Variants in C11orf65 observed in about 807,000 individuals in gnomAD.
C11orf65 encodes chromosome 11 open reading frame 65.
A neutral mutation model predicts 35.3 loss-of-function variants in C11orf65; 38 were observed. The observed-to-expected ratio is 1.08, with a 90% confidence interval of 0.83 to 1.41. The LOEUF (loss-of-function observed/expected upper bound fraction) is 1.41, where lower values mean the gene tolerates loss of function less well. C11orf65 is among the 40% of genes most tolerant of loss of function. C11orf65 has a pLI of 0.00. For synonymous variants in C11orf65, 105 were observed against 114.4 expected (o/e 0.92, Z 0.53); for missense variants, 370 against 367.1 (o/e 1.01, Z -0.06).
At position 108,431,779 on chromosome 11, in the gene C11orf65, T is replaced by C; in HGVS notation, c.141A>G (p.Pro47=). 1 of 1,523,888 alleles carries C rather than the reference T, an allele frequency of 6.6e-7. No homozygotes were observed. Among genetic ancestry groups the C allele is most frequent in the South Asian group, 1.3e-5 (1 of 76,624 alleles). The allele number at this position is 1,523,888 out of a possible 1,614,324, so 94.4% of individuals were successfully genotyped here. The change falls in exon 3 of 9, where the codon CCA becomes CCG. Residue 47 remains proline (P), a synonymous_variant. Coordinates refer to ENST00000393084, the MANE Select transcript of C11orf65 (RefSeq NM_152587.5). ...SLIDLRRQGE[P]RQIVKYINPK... ...GATTAATATATTTCACTATCTGACGTGGTTCTCCTTGTCTTCTTAAATCAA... is the reference window on the plus strand; with the variant it reads ...GATTAATATATTTCACTATCTGACGCGGTTCTCCTTGTCTTCTTAAATCAA...
chr11:108,441,652 T>C (rs1004758441), intron 2 of C11orf65, among the ~76,000 whole-genome samples: 1 of 152,182 alleles, frequency 6.6e-6, no homozygotes, highest in Non-Finnish European at 1.5e-5. Flanking sequence ...GCAGCAACAA[T>C]TGCCATTCTG....
At chr11:108,407,034 ATT>A in intron 4 of C11orf65, 60 bp downstream of exon 4, 1 of 1,571,926 alleles carries the variant, frequency 6.4e-7, no homozygotes, top group Non-Finnish European at 8.7e-7. Flanking sequence ...GAAAAATTAC[ATT>A]GTTTCAATTT....
intron 2 of C11orf65, among the ~76,000 whole-genome samples, chr11:108,433,523 T>A (rs2093022120): frequency 6.6e-6 from 1 of 152,064 alleles, no homozygotes; most frequent in South Asian, 2.1e-4. Context: ...GAACTTGCAG[T>A]GAGCAGAGAT....
rs376158749 is a variant in C11orf65, at chr11:108,317,615, TTATATA to T, written c.641-8550_641-8545del. The T allele has an allele frequency of 0.072, 15,495 of 214,342 alleles. 948 individuals carry two copies. Among genetic ancestry groups the T allele is most frequent in the African/African-American group, 0.096 (2,090 of 21,698 alleles). 13.3% of individuals were successfully genotyped at this position (214,342 alleles called of 1,614,324 possible). On this transcript the variant is annotated intron_variant, in intron 6 of 6. Coordinates refer to the C11orf65 transcript ENST00000525729. ...TTCTATGAATATAACAGGAGTTGTTTTATATATATATATATATATATATATATATAT... is the reference window on the plus strand; with the variant it reads ...TTCTATGAATATAACAGGAGTTGTTTTATATATATATATATATATATATAT...
At chr11:108,314,919 T>A (rs888410172) in intron 6 of C11orf65, among the ~76,000 whole-genome samples, 6 of 152,208 alleles carry the variant, frequency 3.9e-5, no homozygotes, top group Non-Finnish European at 8.8e-5. Context: ...CTGTCTGAAA[T>A]TGTAGGCAAC....
intron 2 of C11orf65, among the ~76,000 whole-genome samples, chr11:108,341,870 GGT>G (rs2087620090): frequency 6.6e-6 from 1 of 152,078 alleles, no homozygotes; most frequent in Admixed American, 6.5e-5. Flanking sequence ...TCTACTGGTG[GGT>G]ATATAAATCG....
chr11:108,310,781 CTAAT>C lies in C11orf65; in HGVS notation c.641-1714_641-1711del, dbSNP rs1054835802. On this transcript the variant is annotated intron_variant, in intron 6 of 6. Coordinates refer to the C11orf65 transcript ENST00000525729. ...TAATGTGACTGATTTATTTCTGTGA[CTAAT>C]TAAGTTTCATTTCTTTATCTACCTA... Among the ~76,000 whole-genome samples, 12 of 152,124 alleles carry C rather than the reference CTAAT, an allele frequency of 7.9e-5. 1 individual carries two copies. In the East Asian group the frequency reaches 2.1e-3, roughly 27 times the overall value.
At chr11:108,347,237 T>G in intron 2 of C11orf65, 3 of 1,378,276 alleles carry the variant, frequency 2.2e-6, no homozygotes, top group Non-Finnish European at 3.1e-6. Flanking sequence ...TAGAAAGAGA[T>G]GGAATCAGTG....
At chr11:108,361,741 C>T (rs1306613290) in intron 2 of C11orf65, among the ~76,000 whole-genome samples, 1 of 151,640 alleles carries the variant, frequency 6.6e-6, no homozygotes, top group Non-Finnish European at 1.5e-5. Flanking sequence ...AACTGGCTAG[C>T]CATATGGAGA....
intron 2 of C11orf65, among the ~76,000 whole-genome samples, chr11:108,359,587 A>C (rs2090459523): frequency 6.6e-6 from 1 of 152,226 alleles, no homozygotes; most frequent in South Asian, 2.1e-4. Context: ...AGAGATTATA[A>C]CAAACTATCT....
chr11:108,464,383 G>C (rs1409081377), intron 1 of C11orf65, among the ~76,000 whole-genome samples: 1 of 151,894 alleles, frequency 6.6e-6, no homozygotes, highest in African/African-American at 2.4e-5. Flanking sequence ...TGCAACCTCC[G>C]CCTCCTGGGT....
rs150874041 is a variant in C11orf65 at position 108,353,840 on chromosome 11, G to A, written c.227-18548C>T. The A allele has an allele frequency of 6.2e-7, 1 of 1,613,924 alleles. No individual in the cohort carries two copies. The highest frequency in any genetic ancestry group is 1.3e-5 in the African/African-American group (1 of 74,876). ...TTTTAGACTCACCAGAGATATTGTG[G>A]ATGGCATGGGCATTACGGGTGTTGA... is the stretch of plus-strand genomic sequence containing the variant. On this transcript the variant is annotated intron_variant, in intron 2 of 3. Transcript: ENST00000524755.
At chr11:108,391,143 T>G (rs951972563) in intron 7 of C11orf65, among the ~76,000 whole-genome samples, 2 of 152,160 alleles carry the variant, frequency 1.3e-5, no homozygotes, top group African/African-American at 2.4e-5. Flanking sequence ...CTTATCTCAC[T>G]TTTACTGATT....
chr11:108,375,964 A>C, intron 2 of C11orf65, among the ~76,000 whole-genome samples: 1 of 152,238 alleles, frequency 6.6e-6, no homozygotes, highest in Non-Finnish European at 1.5e-5. Context: ...CAACCAATAC[A>C]GGAGCACCCA....
At chr11:108,394,128 C>T (rs922732225) in intron 6 of C11orf65, among the ~76,000 whole-genome samples, 1 of 138,616 alleles carries the variant, frequency 7.2e-6, no homozygotes, top group Non-Finnish European at 1.5e-5. Flanking sequence ...TGCAGCGAGC[C>T]GAGATCATGA....
At chr11:108,322,916 C>A (rs886728038) in intron 6 of C11orf65, among the ~76,000 whole-genome samples, 2 of 151,664 alleles carry the variant, frequency 1.3e-5, no homozygotes, top group East Asian at 3.9e-4. Flanking sequence ...TGTGTAAGGG[C>A]AGCCTTGAGT....
intron 2 of C11orf65, among the ~76,000 whole-genome samples, chr11:108,358,766 G>A (rs2090348568): frequency 6.8e-6 from 1 of 147,646 alleles, no homozygotes; most frequent in African/African-American, 2.5e-5. Flanking sequence ...GTCACCACCA[G>A]GCCTACCCTA....
intron 1 of C11orf65, 134 bp from the exon 2 acceptor site, chr11:108,461,702 A>C: frequency 1.7e-6 from 1 of 571,836 alleles, no homozygotes; most frequent in Non-Finnish European, 3.0e-6. Context: ...ATGATAGCTC[A>C]CTGTAGCCTC....
chr11:108,414,409 T>C (rs1467233719), intron 3 of C11orf65, among the ~76,000 whole-genome samples: 1 of 151,846 alleles, frequency 6.6e-6, no homozygotes, highest in African/African-American at 2.4e-5. Flanking sequence ...CTAAAAAGGA[T>C]AATAAACAAA....
Sources: allele counts gnomAD v4.1 joint callset (sites outside exome capture counted in the v4.1 genomes callset), GRCh38; gene constraint gnomAD v4.1.1; transcripts MANE v1.5; gene names NCBI Gene and HGNC (gene_info 2026-07-23, HGNC 2026-07-21).